Variants in HCN4 observed in about 807,000 individuals in gnomAD.
The protein encoded by HCN4 is potassium/sodium hyperpolarization-activated cyclic nucleotide-gated channel 4.
HCN4 carries 29 observed loss-of-function variants against 76.9 expected under a neutral mutation model. The ratio of observed to expected loss-of-function variants is 0.38; its 90% CI spans 0.28 to 0.51. HCN4 has a LOEUF of 0.51. HCN4 is among the 20% of genes least tolerant of loss of function. The pLI, the probability that HCN4 is intolerant of heterozygous loss-of-function variation, is 0.90. For synonymous variants in HCN4, 772 were observed against 762.5 expected, an observed-to-expected ratio of 1.01 and a Z score of -0.21; for missense variants, 1,416 against 1,715.2, an observed-to-expected ratio of 0.83 and a Z score of 3.08.
intron 2 of HCN4, among the ~76,000 whole-genome samples, chr15:73,332,985 T>C (rs2151218030): frequency 6.6e-6 from 1 of 152,382 alleles, no homozygotes; most frequent in South Asian, 2.1e-4. Flanking sequence ...GAGTGTTCAA[T>C]AAATTACAAA....
chr15:73,323,060 A>G lies in HCN4; in HGVS notation c.3033T>C (p.Ser1011=). 6.5e-7 allele frequency: 1 copy of G among 1,538,712 alleles called. No individual in the cohort carries two copies. Among genetic ancestry groups the G allele is most frequent in the Non-Finnish European group, 8.7e-7 (1 of 1,148,502 alleles). Residue 1011 remains serine, a synonymous_variant, in exon 8 of 8, where the codon TCT becomes TCC. Coordinates refer to ENST00000261917, the MANE Select transcript of HCN4 (RefSeq NM_005477.3). ...PEPPSLVAGA[S]GGASPVGFTP... The stretch of plus-strand genomic sequence containing the variant: ...TAAAGCCTACAGGGGAAGCCCCCCC[A>G]GAGGCCCCTGCCACAAGGGACGGCG...
At position 73,343,721 on chromosome 15, in the gene HCN4, G is replaced by A; in HGVS notation, c.873C>T (p.Asn291=). The change falls in exon 2 of 8, where the codon AAC becomes AAT. Residue 291 remains asparagine, a synonymous_variant. Transcript: ENST00000261917. The surrounding 1 kb of genome is among the most constrained non-coding windows in gnomAD (Gnocchi z 5.7). ...CATTGAAGACAATCCAGGGTGTGGT[G>A]TTCTCATCCTTGAAGAAGGTGATGC... is the stretch of plus-strand genomic sequence containing the variant. The part of the protein sequence containing the change: ...PVGITFFKDE[N]TTPWIVFNVV... 1 of 1,614,174 alleles carries A rather than the reference G, an allele frequency of 6.2e-7. No homozygotes were observed. The highest frequency in any genetic ancestry group is 8.5e-7 in the Non-Finnish European group (1 of 1,180,010).
At chr15:73,362,798 G>A (rs2043111088) in intron 1 of HCN4, among the ~76,000 whole-genome samples, 1 of 152,180 alleles carries the variant, frequency 6.6e-6, no homozygotes, top group South Asian at 2.1e-4. Context: ...GGCCAAGCAG[G>A]GGAGAAGGTA....
chr15:73,323,329 C>T lies in HCN4; in HGVS notation c.2764G>A (p.Asp922Asn), dbSNP rs1020318942. The T allele has an allele frequency of 9.6e-6, 15 of 1,561,518 alleles. No individual in the cohort carries two copies. Among genetic ancestry groups the T allele is most frequent in the East Asian group, 4.7e-5 (2 of 42,222 alleles). Residue 922 changes from aspartate to asparagine, a missense_variant, in exon 8 of 8, where the codon GAC (aspartate) becomes AAC (asparagine). Coordinates refer to ENST00000261917, the MANE Select transcript of HCN4 (RefSeq NM_005477.3). ...KALGGSLSSS[D>N]SPLLTPLQPG... ...TGCAGCGGGGTGAGCAGGGGAGAGT[C>T]GGAGGAGGACAGGGAGCCACCCAGC...
chr15:73,341,855 C>T (rs2043006024), intron 2 of HCN4, among the ~76,000 whole-genome samples: 1 of 152,228 alleles, frequency 6.6e-6, no homozygotes, highest in African/African-American at 2.4e-5. Flanking sequence ...GCGTTCATGA[C>T]GCCTCTGACC....
chr15:73,343,174 T>C lies in HCN4; in HGVS notation c.1209+211A>G, dbSNP rs140004192. ...ATACATGTACCTATATGGTTCCCTC[T>C]ATAGCTGTTACACACTTCATTGAGA... On this transcript the variant is annotated intron_variant, in intron 2 of 7. Coordinates refer to ENST00000261917, the MANE Select transcript of HCN4 (RefSeq NM_005477.3). This position sits in a 1 kb window ranked among gnomAD's most constrained non-coding sequence, Gnocchi z 5.7. 0.01 allele frequency among the ~76,000 whole-genome samples: 1,589 copies of C among 152,364 alleles called. 23 individuals carry two copies. The highest frequency in any genetic ancestry group is 0.014 in the Non-Finnish European group (923 of 68,040).
intron 2 of HCN4, chr15:73,335,504 G>A (rs1470210664): frequency 6.6e-6 from 1 of 152,286 alleles, no homozygotes; most frequent in African/African-American, 2.4e-5. Context: ...TGCCCTGGAG[G>A]GCCAGACTTG....
chr15:73,334,693 C>T (rs12591059), intron 2 of HCN4, among the ~76,000 whole-genome samples: 3,239 of 152,102 alleles, frequency 0.021, 163 homozygotes, highest in East Asian at 0.19. Flanking sequence ...ACAACTCAGC[C>T]TCCCCCTCAA....
chr15:73,324,517 G>A lies in HCN4; in HGVS notation c.1979-264C>T, dbSNP rs556851581. On this transcript the variant is annotated intron_variant, in intron 6 of 7. Transcript: ENST00000261917. The stretch of plus-strand genomic sequence containing the variant: ...TATGTTGAACCCCTAATCCCAGCAT[G>A]ATGGTATTTGGAGGTGGGGCCTAGG... Among the ~76,000 whole-genome samples the A allele has an allele frequency of 4.6e-5, 7 of 152,372 alleles. No individual in the cohort carries two copies. In the South Asian group the frequency reaches 1.4e-3, roughly 32 times the overall value.
At chr15:73,331,673 G>A (rs1005229861) in intron 3 of HCN4, among the ~76,000 whole-genome samples, 2 of 152,068 alleles carry the variant, frequency 1.3e-5, no homozygotes, top group South Asian at 2.1e-4. Flanking sequence ...TACAATTCCT[G>A]GGCTGAAGGG....
At chr15:73,329,818 A>C in intron 3 of HCN4, 27 bp from the exon 4 acceptor site, 1 of 1,578,738 alleles carries the variant, frequency 6.3e-7, no homozygotes, top group Non-Finnish European at 8.7e-7. Flanking sequence ...GGGTGGGGAC[A>C]GTGGATGAGA....
intron 4 of HCN4, among the ~76,000 whole-genome samples, chr15:73,327,035 C>T (rs2042904342): frequency 1.3e-5 from 2 of 151,840 alleles, no homozygotes; most frequent in Admixed American, 6.6e-5. Context: ...AATCAGCTCG[C>T]TTCAGCCTCT....
chr15:73,356,495 G>C (rs980796233), intron 1 of HCN4, among the ~76,000 whole-genome samples: 1 of 150,458 alleles, frequency 6.6e-6, no homozygotes, highest in African/African-American at 2.4e-5. Context: ...TTACAGGAGT[G>C]AGCCACAGTG....
intron 4 of HCN4, among the ~76,000 whole-genome samples, chr15:73,326,281 G>T (rs527491663): frequency 4.6e-5 from 7 of 152,268 alleles, no homozygotes; most frequent in Non-Finnish European, 1.0e-4. Flanking sequence ...AATCAGAAAC[G>T]GGGCAGCCTG....
chr15:73,361,778 C>A (rs950390093), intron 1 of HCN4, among the ~76,000 whole-genome samples: 1 of 152,194 alleles, frequency 6.6e-6, no homozygotes, highest in Non-Finnish European at 1.5e-5. Flanking sequence ...AAGCCCAGCC[C>A]CCAGGGGCGG....
rs1249659135 is a variant in HCN4 at position 73,336,995 on chromosome 15, C to T, written c.1210-4703G>A. On this transcript the variant is annotated intron_variant, in intron 2 of 7. Transcript: ENST00000261917. ...CAAAGCCATCTCTGGCCACAGCGGC[C>T]TTCCTTCATGTCCTTGAATGCCCCA... Among the ~76,000 whole-genome samples, 3 of 152,218 alleles carry T rather than the reference C, an allele frequency of 2.0e-5. No homozygotes were observed. The East Asian group carries it at 5.8e-4, about 29-fold the overall frequency.
chr15:73,326,786 TTTA>T (rs2042902154), intron 4 of HCN4, among the ~76,000 whole-genome samples: 1 of 149,090 alleles, frequency 6.7e-6, no homozygotes, highest in Admixed American at 7.1e-5. Context: ...TATTTATTTA[TTTA>T]TTTATTTTTT....
At position 73,324,380 on chromosome 15, in the gene HCN4, C is replaced by T. The variant is rs946209721; in HGVS notation, c.1979-127G>A. ...TGGCAGGCTCACAAGGCCCTGCCCCCAGACTGCGGCCACACTGGATGCCTC... is the reference window on the plus strand; with the variant it reads ...TGGCAGGCTCACAAGGCCCTGCCCCTAGACTGCGGCCACACTGGATGCCTC... On this transcript the variant is annotated intron_variant, in intron 6 of 7. Coordinates refer to ENST00000261917, the MANE Select transcript of HCN4 (RefSeq NM_005477.3). 5.0e-6 allele frequency: 5 copies of T among 1,007,118 alleles called. No homozygotes were observed. The Admixed American group carries it at 6.2e-5, about 12-fold the overall frequency. The allele number at this position is 1,007,118 out of a possible 1,614,324, so 62.4% of individuals were successfully genotyped here.
chr15:73,338,436 G>A (rs551856810), intron 2 of HCN4, among the ~76,000 whole-genome samples: 4 of 152,348 alleles, frequency 2.6e-5, no homozygotes, highest in Admixed American at 2.6e-4. Flanking sequence ...TGCAGTGCAA[G>A]GACAGAGCCA....
Sources: allele counts gnomAD v4.1 joint callset (sites outside exome capture counted in the v4.1 genomes callset), GRCh38; gene constraint gnomAD v4.1.1; non-coding constraint Gnocchi (gnomAD v3.1); transcripts MANE v1.5; gene names NCBI Gene and HGNC (gene_info 2026-07-23, HGNC 2026-07-21).